STK3: variants seen among roughly 807,000 people sequenced by gnomAD.
The protein encoded by STK3 is serine/threonine-protein kinase 3.
In STK3, 41 loss-of-function variants were observed where a neutral mutation model predicts 58.0. That is an observed-to-expected ratio of 0.71 (90% CI 0.55 to 0.92). The LOEUF (loss-of-function observed/expected upper bound fraction) is 0.92. Among genes scored for constraint, STK3 ranks in the 40% least tolerant of loss-of-function variants. STK3 has a pLI of 0.00. For missense variants in STK3, 479 were observed against 602.7 expected (o/e 0.79, Z 2.15); for synonymous variants, 170 against 191.0 (o/e 0.89, Z 0.91).
At chr8:98,836,802 A>T (rs984960139) in intron 3 of STK3, among the ~76,000 whole-genome samples, 1 of 152,142 alleles carries the variant, frequency 6.6e-6, no homozygotes, top group African/African-American at 2.4e-5. Context: ...GCAGATCTCA[A>T]ACTTTTCTGT....
chr8:98,506,054 C>T (rs1824039200), intron 10 of STK3, among the ~76,000 whole-genome samples: 1 of 152,210 alleles, frequency 6.6e-6, no homozygotes, highest in Admixed American at 6.5e-5. Flanking sequence ...GGGCTCCACC[C>T]AGTTTGAGCT....
At chr8:98,863,592 T>C (rs7821795) in intron 3 of STK3, among the ~76,000 whole-genome samples, 2,013 of 152,276 alleles carry the variant, frequency 0.013, 22 homozygotes, top group Non-Finnish European at 0.021. Flanking sequence ...TGTGGTTGAT[T>C]AAAAAATAAT....
the STK3 span, among the ~76,000 whole-genome samples, chr8:98,360,708 C>T: frequency 0.091 from 13,863 of 152,086 alleles, 738 homozygotes; most frequent in East Asian, 0.19. Flanking sequence ...TAATATTTTA[C>T]GATGCAGCCA....
chr8:98,766,940 T>C (rs1170622465), intron 3 of STK3, among the ~76,000 whole-genome samples: 1 of 152,064 alleles, frequency 6.6e-6, no homozygotes, highest in African/African-American at 2.4e-5. Context: ...CTGACCAACA[T>C]GGAGAAACCC....
At chr8:98,436,282 C>A (rs898948523) in intron 2 of STK3, among the ~76,000 whole-genome samples, 1 of 152,132 alleles carries the variant, frequency 6.6e-6, no homozygotes, top group African/African-American at 2.4e-5. Context: ...CCATAGGAGC[C>A]TGCCACACCC....
At chr8:98,614,984 C>G (rs1415558629) in intron 6 of STK3, among the ~76,000 whole-genome samples, 2 of 152,244 alleles carry the variant, frequency 1.3e-5, no homozygotes, top group East Asian at 3.8e-4. Flanking sequence ...CTGCCTGCCT[C>G]TGTAAGCTCC....
the STK3 span, among the ~76,000 whole-genome samples, chr8:98,361,650 C>G: frequency 6.6e-6 from 1 of 152,130 alleles, no homozygotes; most frequent in African/African-American, 2.4e-5. Context: ...GTTCAAAATG[C>G]CTGCCTCCAG....
At chr8:98,361,681 C>G in the STK3 span, among the ~76,000 whole-genome samples, 1 of 152,114 alleles carries the variant, frequency 6.6e-6, no homozygotes, top group East Asian at 1.9e-4. Flanking sequence ...GTGTTAACAA[C>G]GACAAAGCAG....
At chr8:98,699,379 G>A (rs28874594) in intron 6 of STK3, among the ~76,000 whole-genome samples, 33,603 of 151,572 alleles carry the variant, frequency 0.22, 4,358 homozygotes, top group Admixed American at 0.38. Flanking sequence ...GTCATTCTCC[G>A]TCCAGCTTTG....
chr8:98,527,675 C>A (rs1249256869), intron 9 of STK3, among the ~76,000 whole-genome samples: 1 of 151,856 alleles, frequency 6.6e-6, no homozygotes, highest in South Asian at 2.1e-4. Flanking sequence ...TAAAAAAAAT[C>A]ATAAGAACTT....
chr8:98,521,350 C>T (rs934377102), intron 10 of STK3, among the ~76,000 whole-genome samples: 1 of 151,828 alleles, frequency 6.6e-6, no homozygotes, highest in South Asian at 2.1e-4. Flanking sequence ...TCATTTGGTT[C>T]CTCACCTTAA....
intron 9 of STK3, among the ~76,000 whole-genome samples, chr8:98,532,575 T>A (rs563584129): frequency 6.6e-6 from 1 of 152,100 alleles, no homozygotes; most frequent in South Asian, 2.1e-4. Flanking sequence ...ACAGTGCCAA[T>A]AGACTTGCTT....
At chr8:98,670,926 G>C (rs1231558633) in intron 6 of STK3, among the ~76,000 whole-genome samples, 1 of 152,162 alleles carries the variant, frequency 6.6e-6, no homozygotes, top group Non-Finnish European at 1.5e-5. Context: ...TGAATGTGGG[G>C]GCTGAGTGTG....
intron 2 of STK3, among the ~76,000 whole-genome samples, chr8:98,373,853 A>G (rs916656292): frequency 1.1e-4 from 16 of 152,228 alleles, no homozygotes; most frequent in African/African-American, 3.9e-4. Context: ...AAGTCACACA[A>G]CTAGTAAGTA....
chr8:98,346,078 G>A, the STK3 span, among the ~76,000 whole-genome samples: 15 of 152,036 alleles, frequency 9.9e-5, no homozygotes, highest in Admixed American at 9.8e-4. Flanking sequence ...CTGAGGTGAG[G>A]AGTTCAAGAC....
At chr8:98,373,478 G>A (rs1157681211) in intron 2 of STK3, among the ~76,000 whole-genome samples, 2 of 152,272 alleles carry the variant, frequency 1.3e-5, no homozygotes, top group East Asian at 1.9e-4. Context: ...TGTGTGCTGG[G>A]CATTGAGCTA....
At position 98,800,770 on chromosome 8, in the gene STK3, T is replaced by G. The variant is rs1364244862; in HGVS notation, c.26+24745A>C. Among the ~76,000 whole-genome samples, 1 of 152,184 alleles carries G rather than the reference T, an allele frequency of 6.6e-6. No homozygotes were observed. Among genetic ancestry groups the G allele is most frequent in the East Asian group, 1.9e-4 (1 of 5,194 alleles). On this transcript the variant is annotated intron_variant, in intron 1 of 10. Transcript: ENST00000419617. The surrounding 1 kb of genome is among the most constrained non-coding windows in gnomAD (Gnocchi z 4.8). ...GAAGGGGCACCGGGTACCCCAGCACTGCCGGCCCTCCCGCGCTGAGCTCGA... is the reference window on the plus strand; with the variant it reads ...GAAGGGGCACCGGGTACCCCAGCACGGCCGGCCCTCCCGCGCTGAGCTCGA...
intron 6 of STK3, among the ~76,000 whole-genome samples, chr8:98,673,656 G>A (rs968019905): frequency 4.6e-5 from 7 of 152,072 alleles, no homozygotes; most frequent in East Asian, 1.9e-4. Context: ...AACAAGTACC[G>A]GGTTGTATTT....
intron 3 of STK3, among the ~76,000 whole-genome samples, chr8:98,843,873 C>T (rs567372285): frequency 2.9e-4 from 44 of 152,276 alleles, no homozygotes; most frequent in Middle Eastern, 6.8e-3. Flanking sequence ...AAAAATTTGC[C>T]GGGCGTGATG....
Sources: allele counts gnomAD v4.1 joint callset (sites outside exome capture counted in the v4.1 genomes callset), GRCh38; gene constraint gnomAD v4.1.1; non-coding constraint Gnocchi (gnomAD v3.1); transcripts MANE v1.5; gene names NCBI Gene and HGNC (gene_info 2026-07-23, HGNC 2026-07-21).